CSMD1: variants seen among roughly 807,000 people sequenced by gnomAD.
The protein encoded by CSMD1 is CUB and Sushi multiple domains 1, also known as CUB and sushi domain-containing protein 1.
Under a neutral mutation model 417.5 loss-of-function variants are expected in CSMD1, and 213 were observed. The observed-to-expected ratio is 0.51, with a 90% CI of 0.46 to 0.57. CSMD1 has a LOEUF of 0.57. Among genes scored for constraint, CSMD1 ranks in the 20% least tolerant of loss-of-function variants. The pLI is 0.00. For missense variants in CSMD1, 6,923 were observed against 4,529.7 expected (o/e 1.53, Z -15.17); for synonymous variants, 2,862 against 1,736.8 (o/e 1.65, Z -16.11).
intron 3 of CSMD1, among the ~76,000 whole-genome samples, chr8:4,181,476 A>C (rs1798371279): frequency 6.6e-6 from 1 of 152,072 alleles, no homozygotes; most frequent in South Asian, 2.1e-4. Context: ...ATACACTAAC[A>C]CTAACGATAA....
intron 3 of CSMD1, among the ~76,000 whole-genome samples, chr8:4,203,499 G>T (rs1282136931): frequency 6.6e-6 from 1 of 152,138 alleles, no homozygotes. Context: ...TTCTCGATGA[G>T]CAAACGGAAG....
At chr8:3,832,440 A>T (rs1802430416) in intron 5 of CSMD1, among the ~76,000 whole-genome samples, 1 of 152,184 alleles carries the variant, frequency 6.6e-6, no homozygotes, top group Non-Finnish European at 1.5e-5. Flanking sequence ...TTAATTATAA[A>T]GCGATTATGT....
intron 1 of CSMD1, among the ~76,000 whole-genome samples, chr8:4,954,637 A>G (rs2117300459): frequency 6.6e-6 from 1 of 152,328 alleles, no homozygotes; most frequent in African/African-American, 2.4e-5. Context: ...TCCTACCAAA[A>G]GCAAATACCC....
chr8:4,119,131 C>A (rs978286946), intron 3 of CSMD1, among the ~76,000 whole-genome samples: 2 of 152,066 alleles, frequency 1.3e-5, no homozygotes, highest in African/African-American at 4.8e-5. Context: ...AGGGAACGTA[C>A]CTAATGCATG....
intron 3 of CSMD1, among the ~76,000 whole-genome samples, chr8:4,284,333 A>T (rs925131081): frequency 1.1e-4 from 16 of 151,742 alleles, no homozygotes; most frequent in Non-Finnish European, 2.1e-4. Flanking sequence ...CTGCCAATGC[A>T]CTCCAGCCTG....
chr8:3,700,426 A>G (rs1049528030), intron 7 of CSMD1: 2 of 152,214 alleles, frequency 1.3e-5, no homozygotes, highest in African/African-American at 4.8e-5. Context: ...GTAATATGTT[A>G]TAATAACTTA....
chr8:4,025,780 C>T (rs1165155800), intron 4 of CSMD1, among the ~76,000 whole-genome samples: 2 of 152,112 alleles, frequency 1.3e-5, no homozygotes, highest in Admixed American at 6.5e-5. Flanking sequence ...TTAAGGGACA[C>T]AGTTTTAAGC....
intron 10 of CSMD1, among the ~76,000 whole-genome samples, chr8:3,512,568 C>T (rs1303424140): frequency 6.6e-6 from 1 of 151,712 alleles, no homozygotes; most frequent in East Asian, 1.9e-4. Flanking sequence ...AGAAATGAAC[C>T]CTCTCCTCCA....
At chr8:4,113,135 G>C (rs948112502) in intron 3 of CSMD1, among the ~76,000 whole-genome samples, 1 of 152,096 alleles carries the variant, frequency 6.6e-6, no homozygotes, top group African/African-American at 2.4e-5. Flanking sequence ...CTCATCAGCT[G>C]TTCTTTATCT....
chr8:4,003,020 T>G (rs1815815320), intron 4 of CSMD1, among the ~76,000 whole-genome samples: 2 of 147,490 alleles, frequency 1.4e-5, no homozygotes, highest in Admixed American at 6.8e-5. Context: ...TGTATAAAAA[T>G]AAAAACAACA....
intron 5 of CSMD1, among the ~76,000 whole-genome samples, chr8:3,776,668 G>A (rs1365239823): frequency 6.6e-6 from 1 of 151,926 alleles, no homozygotes; most frequent in South Asian, 2.1e-4. Flanking sequence ...TCCCACCAAG[G>A]CACTTGCCAT....
At position 3,425,350 on chromosome 8, in the gene CSMD1, G is replaced by A. The variant is rs552813416; in HGVS notation, c.1562-15745C>T. ...CACGCCTGTAATCCCAGCACTTTGG[G>A]AGGCTGAGGTGCGTGGATCACGAGG... On this transcript the variant is annotated intron_variant, in intron 12 of 69. Transcript: ENST00000635120. 8.2e-4 allele frequency among the ~76,000 whole-genome samples: 125 copies of A among 151,922 alleles called. 3 individuals carry two copies. The South Asian group carries it at 0.011, about 13-fold the overall frequency.
At chr8:4,110,556 A>G (rs928509728) in intron 3 of CSMD1, among the ~76,000 whole-genome samples, 8 of 152,066 alleles carry the variant, frequency 5.3e-5, no homozygotes. Flanking sequence ...TTTTTAAACA[A>G]TTTTCTGACT....
Position 3,984,784 on chromosome 8 carries a change from T to G in CSMD1, c.818+13119A>C, listed in dbSNP as rs559846230. Reference sequence around the variant, plus strand: ...GTATTTGTGCGTGTGTGTGTGTGTGTGGGTGTAAAGGGAGATCACACACAC... The same window carrying G: ...GTATTTGTGCGTGTGTGTGTGTGTGGGGGTGTAAAGGGAGATCACACACAC... On this transcript the variant is annotated intron_variant, in intron 5 of 69. Transcript: ENST00000635120. Among the ~76,000 whole-genome samples the G allele has an allele frequency of 4.9e-5, 7 of 144,036 alleles. No homozygotes were observed. In the East Asian group the frequency reaches 6.1e-4, roughly 13 times the overall value. 94.5% of individuals were successfully genotyped at this position (144,036 alleles called of 152,430 possible). A position where few individuals can be genotyped will look rare whatever the true frequency, so the allele number is the denominator to read the frequency against.
At chr8:4,003,689 A>G (rs966070585) in intron 4 of CSMD1, among the ~76,000 whole-genome samples, 1 of 152,222 alleles carries the variant, frequency 6.6e-6, no homozygotes, top group African/African-American at 2.4e-5. Flanking sequence ...TGTTCCTAAT[A>G]TCAACATGCA....
chr8:4,289,456 A>C (rs917976472), intron 3 of CSMD1, among the ~76,000 whole-genome samples: 5 of 152,224 alleles, frequency 3.3e-5, no homozygotes, highest in African/African-American at 1.2e-4. Context: ...AAATGACTCC[A>C]TCAAGTCCAG....
chr8:4,639,209 C>A (rs1196747124), intron 1 of CSMD1, among the ~76,000 whole-genome samples: 3 of 151,728 alleles, frequency 2.0e-5, no homozygotes, highest in Non-Finnish European at 2.9e-5. Flanking sequence ...TTCCCACATA[C>A]AAGCTCTCCG....
At chr8:3,756,105 C>T (rs557617574) in intron 5 of CSMD1, among the ~76,000 whole-genome samples, 1 of 152,066 alleles carries the variant, frequency 6.6e-6, no homozygotes, top group African/African-American at 2.4e-5. Flanking sequence ...ACCTCTAATC[C>T]CAGCATTTTG....
At chr8:3,462,472 G>T (rs944775381) in intron 12 of CSMD1, among the ~76,000 whole-genome samples, 1 of 152,124 alleles carries the variant, frequency 6.6e-6, no homozygotes, top group African/African-American at 2.4e-5. Flanking sequence ...ATTCTCCTAG[G>T]AGTGTGAACC....
Sources: allele counts gnomAD v4.1 joint callset (sites outside exome capture counted in the v4.1 genomes callset), GRCh38; gene constraint gnomAD v4.1.1; transcripts MANE v1.5; gene names NCBI Gene and HGNC (gene_info 2026-07-23, HGNC 2026-07-21).